Variants in LAMA2 observed in about 807,000 individuals in gnomAD.
LAMA2 encodes laminin subunit alpha-2.
In LAMA2, 269 loss-of-function variants were observed where a neutral mutation model predicts 364.8. The observed-to-expected ratio is 0.74, with a 90% CI of 0.67 to 0.82. The LOEUF (loss-of-function observed/expected upper bound fraction) is 0.82, where lower values mean the gene tolerates loss of function less well. Among genes scored for constraint, LAMA2 ranks in the 40% least tolerant of loss-of-function variants. LAMA2 has a pLI of 0.00. For missense variants in LAMA2, 3,807 were observed against 3,873.2 expected (o/e 0.98, Z 0.45); for synonymous variants, 1,379 against 1,370.6 (o/e 1.01, Z -0.14).
intron 18 of LAMA2, among the ~76,000 whole-genome samples, chr6:129,281,857 G>T (rs929901093): frequency 2.0e-5 from 3 of 152,082 alleles, no homozygotes; most frequent in African/African-American, 7.2e-5. Context: ...TTAGATTAGG[G>T]TTTTCCAGGA....
At position 129,322,819 on chromosome 6, in the gene LAMA2, T is replaced by C. The variant is rs150036977; in HGVS notation, c.4176+2164T>C. Among the ~76,000 whole-genome samples, 227 of 152,332 alleles carry C rather than the reference T, an allele frequency of 1.5e-3. 1 individual carries two copies. Among genetic ancestry groups the C allele is most frequent in the African/African-American group, 5.1e-3 (214 of 41,586 alleles). On this transcript the variant is annotated intron_variant, in intron 28 of 64. Transcript: ENST00000421865. ...AAAATGTTAAAAACCTTTCTTCATA[T>C]GATTGATAGACTTTTTGAATAGTAC...
intron 53 of LAMA2, among the ~76,000 whole-genome samples, chr6:129,478,236 TA>T (rs1448900317): frequency 2.3e-5 from 3 of 130,018 alleles, no homozygotes; most frequent in East Asian, 4.6e-4. Flanking sequence ...AAGCCTCAAA[TA>T]AAAAAAAATC....
At chr6:129,126,137 AAAAC>A (rs1287964630) in intron 4 of LAMA2, among the ~76,000 whole-genome samples, 3 of 152,310 alleles carry the variant, frequency 2.0e-5, no homozygotes, top group African/African-American at 7.2e-5. Flanking sequence ...TATTTTGAAT[AAAAC>A]AAACATATCT....
chr6:129,062,912 G>GT (rs368817743), intron 3 of LAMA2, among the ~76,000 whole-genome samples: 21,047 of 129,942 alleles, frequency 0.16, 1,847 homozygotes, highest in South Asian at 0.25. Context: ...ATTACAGTGG[G>GT]TTTTTTTTTT....
intron 17 of LAMA2, among the ~76,000 whole-genome samples, chr6:129,276,317 A>C (rs747017539): frequency 1.4e-4 from 21 of 152,116 alleles, no homozygotes; most frequent in Non-Finnish European, 2.8e-4. Flanking sequence ...CTGATTTTCT[A>C]ACCCTAATGA....
intron 1 of LAMA2, among the ~76,000 whole-genome samples, chr6:128,994,137 G>A (rs1173502268): frequency 2.6e-5 from 4 of 152,188 alleles, no homozygotes; most frequent in Non-Finnish European, 4.4e-5. Context: ...GGATGGATTA[G>A]GAATCTTTGC....
intron 6 of LAMA2, among the ~76,000 whole-genome samples, chr6:129,148,414 T>C (rs760548329): frequency 2.4e-4 from 36 of 151,958 alleles, no homozygotes; most frequent in Non-Finnish European, 8.8e-5. Context: ...GCAGGGTGCT[T>C]TCTATCAGGT....
intron 19 of LAMA2, among the ~76,000 whole-genome samples, chr6:129,289,294 G>A (rs766841468): frequency 1.4e-4 from 21 of 152,096 alleles, no homozygotes; most frequent in Non-Finnish European, 2.5e-4. Context: ...AGATCATCTA[G>A]GATCTACATT....
intron 12 of LAMA2, among the ~76,000 whole-genome samples, chr6:129,238,890 T>A (rs1481002501): frequency 6.6e-6 from 1 of 152,244 alleles, no homozygotes; most frequent in East Asian, 1.9e-4. Flanking sequence ...TTTTTTGAGA[T>A]CTACCTTTTT....
chr6:129,450,293 G>A (rs761886357), intron 45 of LAMA2, among the ~76,000 whole-genome samples: 74 of 17,710 alleles, frequency 4.2e-3, no homozygotes, highest in Non-Finnish European at 5.3e-3. Context: ...TGTGTTGTTT[G>A]TTTTGTTTTG....
At chr6:128,962,158 A>ATATATATATG (rs1554335808) in intron 1 of LAMA2, among the ~76,000 whole-genome samples, 85 of 112,738 alleles carry the variant, frequency 7.5e-4, no homozygotes, top group Non-Finnish European at 1.4e-3. Context: ...ATATATATAT[A>ATATATATATG]TATATATATA....
intron 3 of LAMA2, among the ~76,000 whole-genome samples, chr6:129,085,025 T>C (rs1774288950): frequency 6.6e-6 from 1 of 152,184 alleles, no homozygotes; most frequent in Non-Finnish European, 1.5e-5. Context: ...TGTTAAGTAA[T>C]TGTAGTCAGA....
intron 17 of LAMA2, among the ~76,000 whole-genome samples, chr6:129,278,742 C>A (rs547088425): frequency 6.6e-6 from 1 of 152,242 alleles, no homozygotes; most frequent in Non-Finnish European, 1.5e-5. Flanking sequence ...AAATTCAAAG[C>A]ATCCCAGACC....
At chr6:129,511,454 C>G (rs1228147837) in intron 62 of LAMA2, among the ~76,000 whole-genome samples, 1 of 152,028 alleles carries the variant, frequency 6.6e-6, no homozygotes, top group African/African-American at 2.4e-5. Context: ...AGCTTTTATT[C>G]ATAAAATCTG....
chr6:129,398,472 C>CTTTTTTTTTTTTTTTTTTTTTTT (rs71028159), intron 37 of LAMA2, among the ~76,000 whole-genome samples: 9 of 110,512 alleles, frequency 8.1e-5, no homozygotes, highest in African/African-American at 2.2e-4. Context: ...CTTTTCTTTT[C>CTTTTTTTTTTTTTTTTTTTTTTT]TTTTTTTTTT....
intron 17 of LAMA2, among the ~76,000 whole-genome samples, chr6:129,275,859 T>C (rs1428321515): frequency 6.6e-6 from 1 of 152,052 alleles, no homozygotes; most frequent in African/African-American, 2.4e-5. Flanking sequence ...TTTTGCAGAA[T>C]GGGAAACAGG....
chr6:129,136,142 G>A (rs951796427), intron 4 of LAMA2, among the ~76,000 whole-genome samples: 1 of 151,964 alleles, frequency 6.6e-6, no homozygotes, highest in African/African-American at 2.4e-5. Flanking sequence ...CATGCCCAAT[G>A]GGAACGATAC....
At chr6:129,325,314 GTATT>G (rs2114524540) in intron 28 of LAMA2, among the ~76,000 whole-genome samples, 1 of 152,276 alleles carries the variant, frequency 6.6e-6, no homozygotes, top group Non-Finnish European at 1.5e-5. Flanking sequence ...GCTCAGGAAA[GTATT>G]TATTTGCTTT....
At chr6:128,972,600 G>A (rs962066483) in intron 1 of LAMA2, among the ~76,000 whole-genome samples, 4 of 152,050 alleles carry the variant, frequency 2.6e-5, no homozygotes, top group Admixed American at 6.6e-5. Flanking sequence ...GGTATTGATG[G>A]GACTAGAGTC....
Sources: allele counts gnomAD v4.1 joint callset (sites outside exome capture counted in the v4.1 genomes callset), GRCh38; gene constraint gnomAD v4.1.1; transcripts MANE v1.5; gene names NCBI Gene and HGNC (gene_info 2026-07-23, HGNC 2026-07-21).